Variants in CENPL observed in about 807,000 individuals in gnomAD.
CENPL encodes centromere protein L, also known as interphase centromere complex protein 33.
In CENPL, 20 loss-of-function variants were observed where a neutral mutation model predicts 35.2. The ratio of observed to expected loss-of-function variants is 0.57; its 90% CI spans 0.40 to 0.83. The LOEUF (loss-of-function observed/expected upper bound fraction) is 0.83. Among genes scored for constraint, CENPL ranks in the 40% least tolerant of loss-of-function variants. CENPL has a pLI of 0.00. For synonymous variants in CENPL, 140 were observed against 140.6 expected, an observed-to-expected ratio of 1.00 and a Z score of 0.03; for missense variants, 363 against 395.8, an observed-to-expected ratio of 0.92 and a Z score of 0.70.
At chr1:173,811,002 T>C (rs1444305752) in intron 3 of CENPL, 130 bp downstream of exon 3, 1 of 736,682 alleles carries the variant, frequency 1.4e-6, no homozygotes, top group Admixed American at 2.5e-5. Context: ...TGAAATTGTT[T>C]CTTTCTCATT....
In CENPL at chr1:173,803,318, G is replaced by T; in HGVS notation, c.608C>A (p.Thr203Asn). The T allele has an allele frequency of 1.9e-6, 3 of 1,613,782 alleles. No individual in the cohort carries two copies. In the South Asian group the frequency reaches 3.3e-5, roughly 18 times the overall value. The change falls in exon 5 of 6, where the codon ACC becomes AAC. Residue 203 changes from threonine (T) to asparagine (N), a missense_variant. Transcript: ENST00000682279. ...TAAAGGACTGAAATAACAGTCAAAG[G>T]TTTTCTGAAACCAAGTTCCAATTAT... ...TAIIGTWFQK[T>N]FDCYFSPLAI...
intron 2 of CENPL, among the ~76,000 whole-genome samples, chr1:173,819,954 C>G (rs1307142860): frequency 6.6e-6 from 1 of 151,974 alleles, no homozygotes; most frequent in Non-Finnish European, 1.5e-5. Flanking sequence ...GGTGATCCAC[C>G]AGCCTCCCAA....
intron 4 of CENPL, among the ~76,000 whole-genome samples, chr1:173,805,559 GAA>G (rs529210082): frequency 6.7e-6 from 1 of 150,246 alleles, no homozygotes; most frequent in South Asian, 2.1e-4. Context: ...AGTACTCACT[GAA>G]AAAAAAGTCT....
chr1:173,804,952 T>C (rs887942504), intron 4 of CENPL, among the ~76,000 whole-genome samples: 2 of 152,236 alleles, frequency 1.3e-5, no homozygotes, highest in Admixed American at 1.3e-4. Context: ...CAAGAAATTA[T>C]GAAAGACTCT....
Position 173,800,383 on chromosome 1 carries a change from G to A in CENPL, c.*65C>T. On this transcript the variant is annotated 3_prime_UTR_variant, in exon 6 of 6. Transcript: ENST00000682279. ...CCTATTTCTCCTGCAGTCTCTTTCA[G>A]CATAGCAATTAGGCAAGTTATCAAT... 1.5e-6 allele frequency: 1 copy of A among 677,282 alleles called. No homozygotes were observed. Among genetic ancestry groups the A allele is most frequent in the Non-Finnish European group, 2.7e-6 (1 of 374,100 alleles). The allele number at this position is 677,282 out of a possible 1,614,324, so 42.0% of individuals were successfully genotyped here.
intron 2 of CENPL, among the ~76,000 whole-genome samples, chr1:173,821,467 C>T (rs900649758): frequency 3.3e-5 from 5 of 152,038 alleles, no homozygotes; most frequent in African/African-American, 1.2e-4. Context: ...ATTTTAAAGT[C>T]TAGGTGACTT....
intron 2 of CENPL, among the ~76,000 whole-genome samples, chr1:173,821,151 A>C (rs1285501493): frequency 6.6e-6 from 1 of 152,232 alleles, no homozygotes; most frequent in Non-Finnish European, 1.5e-5. Context: ...CTTATTGAGC[A>C]TTCATCATGT....
At chr1:173,811,828 A>G (rs1422047823) in intron 2 of CENPL, among the ~76,000 whole-genome samples, 1 of 152,248 alleles carries the variant, frequency 6.6e-6, no homozygotes, top group Non-Finnish European at 1.5e-5. Context: ...CAGTGGGTGC[A>G]GCCCATGGAG....
intron 5 of CENPL, among the ~76,000 whole-genome samples, chr1:173,802,636 A>C (rs1649858528): frequency 6.6e-6 from 1 of 152,260 alleles, no homozygotes; most frequent in Non-Finnish European, 1.5e-5. Context: ...TCTGGCTATA[A>C]TTTTGTCTAA....
At position 173,800,597 on chromosome 1, in the gene CENPL, T is replaced by A. The variant is rs962843587; in HGVS notation, c.964-78A>T. 6 of 626,626 alleles carry A rather than the reference T, an allele frequency of 9.6e-6. No individual in the cohort carries two copies. The African/African-American group carries it at 1.1e-4, about 12-fold the overall frequency. The allele number at this position is 626,626 out of a possible 1,614,324, so 38.8% of individuals were successfully genotyped here. A position where few individuals can be genotyped will look rare whatever the true frequency, so the allele number is the denominator to read the frequency against. On this transcript the variant is annotated intron_variant, in intron 5 of 5. Transcript: ENST00000682279. ...ACAAAGCAGATTGATATTTGAATAA[T>A]CAATGTTATATTGGTTTAACTTCTA...
intron 2 of CENPL, among the ~76,000 whole-genome samples, chr1:173,811,516 T>C (rs544972061): frequency 5.8e-4 from 88 of 152,210 alleles, no homozygotes; most frequent in Non-Finnish European, 8.8e-4. Flanking sequence ...AAAAACAGTA[T>C]ATGTTCAAAA....
Position 173,807,216 on chromosome 1 carries a change from CAA to C in CENPL, c.420+49_420+50del, listed in dbSNP as rs113457903. 1.3e-4 allele frequency: 178 copies of C among 1,418,684 alleles called. No homozygotes were observed. The Middle Eastern group carries it at 2.2e-3, about 18-fold the overall frequency. The allele number at this position is 1,418,684 out of a possible 1,614,324, so 87.9% of individuals were successfully genotyped here. A position where few individuals can be genotyped will look rare whatever the true frequency, so the allele number is the denominator to read the frequency against. ...ATCTAATTATTATAGTTTAGTCAAA[CAA>C]GACATAATACTTTTCCCCTAGGAAG... On this transcript the variant is annotated intron_variant, in intron 4 of 5. Coordinates refer to ENST00000682279, the MANE Select transcript of CENPL (RefSeq NM_001387287.1).
At chr1:173,816,077 C>T (rs1360080064) in intron 2 of CENPL, among the ~76,000 whole-genome samples, 2 of 152,220 alleles carry the variant, frequency 1.3e-5, no homozygotes, top group Admixed American at 6.5e-5. Flanking sequence ...TGAACTCCCA[C>T]TCACAATTGC....
chr1:173,818,753 T>C (rs1651656808), intron 2 of CENPL, among the ~76,000 whole-genome samples: 1 of 152,208 alleles, frequency 6.6e-6, no homozygotes, highest in East Asian at 1.9e-4. Context: ...CCACTCATTT[T>C]AGCCCCTGTT....
intron 2 of CENPL, among the ~76,000 whole-genome samples, chr1:173,812,904 C>T (rs558868875): frequency 2.0e-5 from 3 of 152,168 alleles, no homozygotes; most frequent in African/African-American, 4.8e-5. Flanking sequence ...TGTAACCCAT[C>T]GCAAGGAAGC....
chr1:173,800,852 A>C (rs1487263285), intron 5 of CENPL, among the ~76,000 whole-genome samples: 2 of 151,650 alleles, frequency 1.3e-5, no homozygotes, highest in Non-Finnish European at 2.9e-5. Flanking sequence ...AGCTACTCAC[A>C]AGGCTGAGGC....
At chr1:173,814,524 G>A (rs1332311562) in intron 2 of CENPL, among the ~76,000 whole-genome samples, 3 of 152,172 alleles carry the variant, frequency 2.0e-5, no homozygotes, top group Non-Finnish European at 4.4e-5. Context: ...TCAGGATTAA[G>A]AAACTCATTC....
At chr1:173,819,574 G>T (rs1211130922) in intron 2 of CENPL, among the ~76,000 whole-genome samples, 4 of 152,022 alleles carry the variant, frequency 2.6e-5, no homozygotes, top group African/African-American at 9.7e-5. Context: ...GGGTGAGACA[G>T]AGCAAGACTC....
intron 5 of CENPL, 27 bp downstream of exon 5, chr1:173,802,936 T>C (rs374328466): frequency 2.0e-6 from 3 of 1,488,306 alleles, no homozygotes; most frequent in Non-Finnish European, 2.7e-6. Context: ...CAAGGAAAAA[T>C]TACTTAACTA....
Sources: gnomAD v4.1 joint callset for allele counts (sites outside exome capture counted in the v4.1 genomes callset) on GRCh38, gnomAD v4.1.1 for gene constraint, MANE v1.5 for transcripts, NCBI Gene and HGNC (gene_info 2026-07-23, HGNC 2026-07-21) for gene names.